Variants in GJA3 observed in about 807,000 individuals in gnomAD.
GJA3 encodes gap junction alpha-3 protein.
For missense variants in GJA3, 571 were observed against 620.3 expected (o/e 0.92, Z 0.84); for synonymous variants, 297 against 292.6 (o/e 1.02, Z -0.15).
intron 1 of GJA3, among the ~76,000 whole-genome samples, chr13:20,159,690 G>C (rs1185080895): frequency 1.3e-5 from 2 of 152,116 alleles, no homozygotes; most frequent in Non-Finnish European, 2.9e-5. Context: ...TTAAGAAACA[G>C]TACTGTCTGA....
chr13:20,140,801 T>C lies in GJA3; in HGVS notation c.*1180A>G, dbSNP rs1026273873. The C allele has an allele frequency of 6.6e-6, 1 of 152,202 alleles. No individual in the cohort carries two copies. The highest frequency in any genetic ancestry group is 2.4e-5 in the African/African-American group (1 of 41,450). 9.4% of individuals were successfully genotyped at this position (152,202 alleles called of 1,614,324 possible). A position where few individuals can be genotyped will look rare whatever the true frequency, so the allele number is the denominator to read the frequency against. ...AAGCAAACAGGCTGCCCACAAAGAA[T>C]GATTAGGAAGCTTGAAGTGTTTTAT... is the stretch of plus-strand genomic sequence containing the variant. On this transcript the variant is annotated 3_prime_UTR_variant, in exon 2 of 2. Coordinates refer to ENST00000241125, the MANE Select transcript of GJA3 (RefSeq NM_021954.4).
In GJA3 at chr13:20,142,309, T is replaced by C; in HGVS notation, c.980A>G (p.Asn327Ser). Residue 327 changes from asparagine (N) to serine (S), a missense_variant, in exon 2 of 2, where the codon AAC (asparagine) becomes AGC (serine). Transcript: ENST00000241125. The part of the protein sequence containing the change: ...GHHHLLMTEQ[N>S]WANQAAERQP... ...CCGCTCGGCCGCCTGGTTGGCCCAG[T>C]TCTGCTCAGTCATCAGCAGGTGGTG... is the stretch of plus-strand genomic sequence containing the variant. 1 of 1,575,200 alleles carries C rather than the reference T, an allele frequency of 6.3e-7. No individual in the cohort carries two copies. Among genetic ancestry groups the C allele is most frequent in the Non-Finnish European group, 8.6e-7 (1 of 1,161,290 alleles).
rs553286295 is a variant in GJA3, at chr13:20,139,874, A to T, written c.*2107T>A. The T allele has an allele frequency of 1.1e-4, 16 of 152,244 alleles. No homozygotes were observed. Among genetic ancestry groups the T allele is most frequent in the Non-Finnish European group, 1.6e-4 (11 of 68,042 alleles). The allele number at this position is 152,244 out of a possible 1,614,324, so 9.4% of individuals were successfully genotyped here. A position where few individuals can be genotyped will look rare whatever the true frequency, so the allele number is the denominator to read the frequency against. On this transcript the variant is annotated 3_prime_UTR_variant, in exon 2 of 2. Coordinates refer to ENST00000241125, the MANE Select transcript of GJA3 (RefSeq NM_021954.4). The stretch of plus-strand genomic sequence containing the variant: ...AAGCTTGTTACTGTTATGAACATTT[A>T]TTATGGTAGAACTTAAAGAACCAAG...
Position 20,141,624 on chromosome 13 carries a change from G to A in GJA3, c.*357C>T. 1 of 236,114 alleles carries A rather than the reference G, an allele frequency of 4.2e-6. No individual in the cohort carries two copies. Among genetic ancestry groups the A allele is most frequent in the Non-Finnish European group, 8.1e-6 (1 of 122,876 alleles). 14.6% of individuals were successfully genotyped at this position (236,114 alleles called of 1,614,324 possible). A position where few individuals can be genotyped will look rare whatever the true frequency, so the allele number is the denominator to read the frequency against. On this transcript the variant is annotated 3_prime_UTR_variant, in exon 2 of 2. Transcript: ENST00000241125. ...GAATAGCAAACCCAATTGCCCAGGA[G>A]CTAAAGGGACTGCAGGATACCTGTT...
Position 20,143,022 on chromosome 13 carries a change from G to A in GJA3, c.267C>T (p.Thr89=), listed in dbSNP as rs374492315. 5.0e-6 allele frequency: 8 copies of A among 1,611,702 alleles called. No individual in the cohort carries two copies. The highest frequency in any genetic ancestry group is 5.9e-6 in the Non-Finnish European group (7 of 1,178,902). Reference sequence around the variant, plus strand: ...GCAGCACGTGGCCCAGGTAGATGAGGGTGGGCGTGGACACGAAGATGATCT... The same window carrying A: ...GCAGCACGTGGCCCAGGTAGATGAGAGTGGGCGTGGACACGAAGATGATCT... ...ALQIIFVSTP[T]LIYLGHVLHI... Residue 89 remains threonine, a synonymous_variant, in exon 2 of 2, where the codon ACC becomes ACT. Transcript: ENST00000241125.
chr13:20,143,073 G>T lies in GJA3; in HGVS notation c.216C>A (p.Ile72=). The T allele has an allele frequency of 6.2e-7, 1 of 1,613,974 alleles. No homozygotes were observed. The highest frequency in any genetic ancestry group is 8.5e-7 in the Non-Finnish European group (1 of 1,179,942). Residue 72 remains isoleucine, a synonymous_variant, in exon 2 of 2, where the codon ATC becomes ATA. Coordinates refer to ENST00000241125, the MANE Select transcript of GJA3 (RefSeq NM_021954.4). ...GCAGCGCCCAGAAGCGGATGTGGGAGATGGGGAAGGCCCTGTCGTAGCAGA... is the reference window on the plus strand; with the variant it reads ...GCAGCGCCCAGAAGCGGATGTGGGATATGGGGAAGGCCCTGTCGTAGCAGA... The part of the protein sequence containing the change: ...ENVCYDRAFP[I]SHIRFWALQI...
chr13:20,148,448 G>A (rs751598391), intron 1 of GJA3, among the ~76,000 whole-genome samples: 5 of 152,092 alleles, frequency 3.3e-5, no homozygotes, highest in Middle Eastern at 3.4e-3. Flanking sequence ...TTGTAGAGAC[G>A]AGGTCTTGTG....
intron 1 of GJA3, among the ~76,000 whole-genome samples, chr13:20,148,253 C>CTTTTTTTTTT: frequency 1.1e-5 from 1 of 90,726 alleles, no homozygotes; most frequent in Non-Finnish European, 2.2e-5. Context: ...TACTATGGTT[C>CTTTTTTTTTT]TTTTTTTTTT....
rs763980585 is a variant in GJA3 at position 20,142,812 on chromosome 13, G to C, written c.477C>G (p.Phe159Leu). The C allele has an allele frequency of 6.2e-7, 1 of 1,613,584 alleles. No individual in the cohort carries two copies. Residue 159 changes from phenylalanine (F) to leucine (L), a missense_variant, in exon 2 of 2, where the codon TTC (phenylalanine) becomes TTG (leucine). Physicochemically the swap from Phe to Leu is conservative, Grantham distance 22 (BLOSUM62 0). Coordinates refer to ENST00000241125, the MANE Select transcript of GJA3 (RefSeq NM_021954.4). ...YVFNIIFKTL[F>L]EVGFIAGQYF... ...ACTGGCCGGCGATGAAGCCCACCTCGAACAGCGTCTTGAAGATGATGTTGA... is the reference window on the plus strand; with the variant it reads ...ACTGGCCGGCGATGAAGCCCACCTCCAACAGCGTCTTGAAGATGATGTTGA...
At chr13:20,154,505 A>G (rs988263822) in intron 1 of GJA3, among the ~76,000 whole-genome samples, 1 of 152,176 alleles carries the variant, frequency 6.6e-6, no homozygotes, top group African/African-American at 2.4e-5. Flanking sequence ...TCTACTCTTA[A>G]GGATAAATTT....
In GJA3 at chr13:20,144,341, G is replaced by A. The variant is rs184874963; in HGVS notation, c.-17-1036C>T. The stretch of plus-strand genomic sequence containing the variant: ...CAGCAGAGCCGGGCCTTCAGTGGCC[G>A]TCACTCAACAGCACTCGTGGGTACC... On this transcript the variant is annotated intron_variant, in intron 1 of 1. Transcript: ENST00000241125. Among the ~76,000 whole-genome samples the A allele has an allele frequency of 1.2e-3, 179 of 152,302 alleles. 1 individual carries two copies. Among genetic ancestry groups the A allele is most frequent in the African/African-American group, 4.0e-3 (165 of 41,562 alleles).
chr13:20,142,755 G>C lies in GJA3; in HGVS notation c.534C>G (p.Leu178=). 6.2e-7 allele frequency: 1 copy of C among 1,613,652 alleles called. No individual in the cohort carries two copies. The highest frequency in any genetic ancestry group is 8.5e-7 in the Non-Finnish European group (1 of 1,179,934). The change falls in exon 2 of 2, where the codon CTC becomes CTG. Residue 178 remains leucine (L), a synonymous_variant. Coordinates refer to ENST00000241125, the MANE Select transcript of GJA3 (RefSeq NM_021954.4). ...GGCAGGGCCAGCGGTCGCAGCGGTA[G>C]AGCGGCTTCAGCTCGAAGCCGTACA... ...YFLYGFELKP[L]YRCDRWPCPN...
chr13:20,154,988 C>G (rs1455985945), intron 1 of GJA3, among the ~76,000 whole-genome samples: 2 of 151,914 alleles, frequency 1.3e-5, no homozygotes, highest in African/African-American at 4.8e-5. Flanking sequence ...CTAGCTGAGA[C>G]TACAGGCACA....
At chr13:20,158,038 A>G (rs977255851) in intron 1 of GJA3, among the ~76,000 whole-genome samples, 8 of 151,774 alleles carry the variant, frequency 5.3e-5, no homozygotes, top group Non-Finnish European at 1.2e-4. Flanking sequence ...GTATCTCACT[A>G]TATTGCCTGG....
intron 1 of GJA3, among the ~76,000 whole-genome samples, chr13:20,157,389 T>C (rs937142580): frequency 1.6e-4 from 25 of 152,200 alleles, no homozygotes; most frequent in African/African-American, 5.8e-4. Context: ...CCAAATGACA[T>C]CCTTCAGGAA....
At chr13:20,151,474 T>C (rs1363882532) in intron 1 of GJA3, among the ~76,000 whole-genome samples, 1 of 152,110 alleles carries the variant, frequency 6.6e-6, no homozygotes, top group African/African-American at 2.4e-5. Flanking sequence ...GCAGCCCCCA[T>C]GCTGGCGGGA....
At chr13:20,148,465 C>T (rs1958857158) in intron 1 of GJA3, among the ~76,000 whole-genome samples, 1 of 152,038 alleles carries the variant, frequency 6.6e-6, no homozygotes, top group Non-Finnish European at 1.5e-5. Flanking sequence ...TGTGATGTTG[C>T]CCAGGCTGGT....
chr13:20,158,768 C>T (rs975515691), intron 1 of GJA3, among the ~76,000 whole-genome samples: 1 of 151,580 alleles, frequency 6.6e-6, no homozygotes, highest in Non-Finnish European at 1.5e-5. Context: ...AAAAATTAGC[C>T]AGGCGTGGTG....
upstream of GJA3, chr13:20,161,197 C>T (rs1958936127): frequency 6.5e-6 from 1 of 152,932 alleles, no homozygotes; most frequent in South Asian, 2.0e-4. Context: ...CAGCACTCGC[C>T]CGCGTCCGCA....
Sources: gnomAD v4.1 joint callset for allele counts (sites outside exome capture counted in the v4.1 genomes callset) on GRCh38, gnomAD v4.1.1 for gene constraint, MANE v1.5 for transcripts, NCBI Gene and HGNC (gene_info 2026-07-23, HGNC 2026-07-21) for gene names.